RUNX1T1: variants seen among roughly 807,000 people sequenced by gnomAD.
RUNX1T1 encodes RUNX1 partner transcriptional co-repressor 1.
A neutral mutation model predicts 62.8 loss-of-function variants in RUNX1T1; 4 were observed. That is an observed-to-expected ratio of 0.06 (90% confidence interval 0.03 to 0.15). The LOEUF (loss-of-function observed/expected upper bound fraction) is 0.15. Among genes scored for constraint, RUNX1T1 ranks in the 10% least tolerant of loss-of-function variants. The pLI, the probability that RUNX1T1 is intolerant of heterozygous loss-of-function variation, is 1.00. For missense variants in RUNX1T1, 508 were observed against 754.3 expected (o/e 0.67, Z 3.82); for synonymous variants, 291 against 286.0 (o/e 1.02, Z -0.18).
intron 1 of RUNX1T1, among the ~76,000 whole-genome samples, chr8:92,033,555 C>T (rs967688356): frequency 9.9e-5 from 15 of 152,156 alleles, no homozygotes; most frequent in Non-Finnish European, 1.6e-4. Flanking sequence ...GACGGTGAGG[C>T]GGGCTGATCA....
At chr8:91,959,445 T>TATATATGTGC (rs1563589331) in exon 11 of RUNX1T1, 14 of 117,288 alleles carry the variant, frequency 1.2e-4, no homozygotes, top group Admixed American at 1.3e-4. Context: ...TGTGTGTGTG[T>TATATATGTGC]GTGTGTGTGT....
chr8:92,008,266 G>C (rs777148867), intron 4 of RUNX1T1, among the ~76,000 whole-genome samples: 1 of 151,944 alleles, frequency 6.6e-6, no homozygotes, highest in African/African-American at 2.4e-5. Flanking sequence ...ATGATATTCA[G>C]AACGATGAGG....
intron 2 of RUNX1T1, among the ~76,000 whole-genome samples, chr8:92,069,901 C>T (rs1245338088): frequency 6.6e-6 from 1 of 151,864 alleles, no homozygotes; most frequent in Non-Finnish European, 1.5e-5. Flanking sequence ...CCTTTTTTAC[C>T]CATTATACCT....
At chr8:91,966,007 G>C (rs1586711414) in intron 10 of RUNX1T1, among the ~76,000 whole-genome samples, 1 of 151,758 alleles carries the variant, frequency 6.6e-6, no homozygotes, top group Non-Finnish European at 1.5e-5. Flanking sequence ...TTGCAGATGA[G>C]AAAACCAAAG....
intron 1 of RUNX1T1, among the ~76,000 whole-genome samples, chr8:92,088,387 G>A (rs1487978721): frequency 6.6e-6 from 1 of 152,158 alleles, no homozygotes; most frequent in Non-Finnish European, 1.5e-5. Flanking sequence ...TAGGGAAAGG[G>A]GTATAGTACT....
At position 92,014,354 on chromosome 8, in the gene RUNX1T1, C is replaced by T. The variant is rs543154793; in HGVS notation, c.387+225G>A. Among the ~76,000 whole-genome samples the T allele has an allele frequency of 7.9e-4, 120 of 151,918 alleles. 2 individuals carry two copies. The South Asian group carries it at 0.023, about 29-fold the overall frequency. On this transcript the variant is annotated intron_variant, in intron 3 of 10. Transcript: ENST00000396218. ...CAATATAACAATAAATTTGTATAAC[C>T]ATATCTTTATTAGTCAAACAGTGAG... is the stretch of plus-strand genomic sequence containing the variant.
intron 5 of RUNX1T1, 88 bp from the exon 7 acceptor site, chr8:91,991,977 A>G: frequency 7.0e-7 from 1 of 1,431,934 alleles, no homozygotes; most frequent in Non-Finnish European, 9.6e-7. Flanking sequence ...TGGAATAAAA[A>G]CAGAATATTT....
intron 4 of RUNX1T1, chr8:92,006,163 C>T (rs1034882908): frequency 2.6e-5 from 4 of 152,166 alleles, no homozygotes; most frequent in Non-Finnish European, 5.9e-5. Context: ...GAGGCAATTT[C>T]ACACATAGTA....
At chr8:92,061,053 G>A (rs529473586) in intron 1 of RUNX1T1, among the ~76,000 whole-genome samples, 1 of 152,186 alleles carries the variant, frequency 6.6e-6, no homozygotes, top group South Asian at 2.1e-4. Context: ...ATAGTTCAAT[G>A]CTTTTTAAAT....
At chr8:92,079,626 T>A (rs1834933728) in intron 1 of RUNX1T1, among the ~76,000 whole-genome samples, 1 of 152,168 alleles carries the variant, frequency 6.6e-6, no homozygotes, top group East Asian at 1.9e-4. Flanking sequence ...CATACACTCA[T>A]CCAGATTCTC....
At chr8:91,995,221 C>T (rs7838213) in intron 5 of RUNX1T1, among the ~76,000 whole-genome samples, 3,914 of 152,214 alleles carry the variant, frequency 0.026, 163 homozygotes, top group African/African-American at 0.089. Context: ...TTTAATAATT[C>T]TTAAATGGTT....
intron 9 of RUNX1T1, among the ~76,000 whole-genome samples, chr8:91,971,730 A>G (rs558949621): frequency 9.8e-5 from 15 of 152,310 alleles, no homozygotes; most frequent in African/African-American, 3.6e-4. Context: ...CTAGACAAAT[A>G]TAACTGAATC....
At chr8:92,070,469 T>TG (rs1469508793) in intron 2 of RUNX1T1, among the ~76,000 whole-genome samples, 1 of 152,220 alleles carries the variant, frequency 6.6e-6, no homozygotes, top group Admixed American at 6.5e-5. Flanking sequence ...ATAACACTTA[T>TG]GGCAGAGCTA....
intron 1 of RUNX1T1, 35 bp from the exon 3 acceptor site, chr8:92,017,398 C>G (rs745751084): frequency 6.2e-7 from 1 of 1,613,910 alleles, no homozygotes; most frequent in Non-Finnish European, 8.5e-7. Context: ...TTATTTTACT[C>G]CTTAAGCACC....
intron 8 of RUNX1T1, among the ~76,000 whole-genome samples, chr8:91,981,460 G>A (rs542406733): frequency 7.5e-6 from 1 of 132,734 alleles, no homozygotes; most frequent in South Asian, 2.4e-4. Context: ...TGTCCTCCAG[G>A]CTGGAGTACA....
At chr8:92,048,398 G>A (rs563409012) in intron 1 of RUNX1T1, among the ~76,000 whole-genome samples, 23 of 152,204 alleles carry the variant, frequency 1.5e-4, no homozygotes, top group African/African-American at 5.1e-4. Context: ...ATTACAACTG[G>A]CGGGGTATGG....
chr8:92,041,021 T>C (rs1025090147), intron 1 of RUNX1T1, among the ~76,000 whole-genome samples: 4 of 152,166 alleles, frequency 2.6e-5, no homozygotes, highest in Non-Finnish European at 5.9e-5. Context: ...TTTCTAATTA[T>C]CTTAATAGCA....
intron 1 of RUNX1T1, among the ~76,000 whole-genome samples, chr8:92,091,314 T>C (rs997020473): frequency 3.9e-5 from 6 of 152,216 alleles, no homozygotes; most frequent in African/African-American, 1.4e-4. Flanking sequence ...ATTAGAACTA[T>C]TAAAGGAGAT....
At chr8:92,017,546 A>T in intron 1 of RUNX1T1, 183 bp from the exon 3 acceptor site, 1 of 1,477,782 alleles carries the variant, frequency 6.8e-7, no homozygotes. Flanking sequence ...AAGAAGGTAT[A>T]GCACAGATGG....
Sources: gnomAD v4.1 joint callset for allele counts (sites outside exome capture counted in the v4.1 genomes callset) on GRCh38, gnomAD v4.1.1 for gene constraint, MANE v1.5 for transcripts, NCBI Gene and HGNC (gene_info 2026-07-23, HGNC 2026-07-21) for gene names.